NXNL2: variants seen among roughly 807,000 people sequenced by gnomAD.
NXNL2 encodes the protein nucleoredoxin-like protein 2.
NXNL2 carries 7 observed loss-of-function variants against 11.1 expected under a neutral mutation model. That is an observed-to-expected ratio of 0.63 (90% confidence interval 0.36 to 1.18). The LOEUF (loss-of-function observed/expected upper bound fraction) is 1.18, where lower values mean the gene tolerates loss of function less well. NXNL2 is among the 50% of genes most tolerant of loss of function. NXNL2 has a pLI of 0.02. For synonymous variants in NXNL2, 109 were observed against 101.8 expected (o/e 1.07, Z -0.42); for missense variants, 233 against 217.7 (o/e 1.07, Z -0.44).
At chr9:88,554,932 G>T (rs1016351748) in intron 1 of NXNL2, among the ~76,000 whole-genome samples, 16 of 152,316 alleles carry the variant, frequency 1.1e-4, no homozygotes, top group Non-Finnish European at 1.0e-4. Flanking sequence ...CTTACTCACT[G>T]TTCTTGTCCT....
chr9:88,572,072 C>T (rs1830274702), intron 2 of NXNL2, among the ~76,000 whole-genome samples: 1 of 152,202 alleles, frequency 6.6e-6, no homozygotes, highest in South Asian at 2.1e-4. Context: ...CTCCCTCCCT[C>T]AGTCCCCCAT....
chr9:88,565,684 C>T (rs769553107), intron 1 of NXNL2, among the ~76,000 whole-genome samples: 26 of 152,138 alleles, frequency 1.7e-4, no homozygotes, highest in Non-Finnish European at 2.9e-4. Flanking sequence ...ATTACAGGTG[C>T]GGGACACCAC....
intron 1 of NXNL2, among the ~76,000 whole-genome samples, chr9:88,562,415 C>T (rs1474115414): frequency 6.6e-6 from 1 of 151,922 alleles, no homozygotes; most frequent in African/African-American, 2.4e-5. Context: ...CCCTTCATTT[C>T]TGTTAACTTT....
intron 1 of NXNL2, among the ~76,000 whole-genome samples, chr9:88,535,989 G>A (rs914839197): frequency 1.3e-5 from 2 of 152,220 alleles, no homozygotes; most frequent in Non-Finnish European, 2.9e-5. Flanking sequence ...GAGCATGGAC[G>A]CGGGCGCGTT....
intron 1 of NXNL2, among the ~76,000 whole-genome samples, chr9:88,567,902 G>C (rs1434106890): frequency 1.3e-5 from 2 of 152,156 alleles, no homozygotes; most frequent in African/African-American, 4.8e-5. Context: ...GTTGAAGGAG[G>C]TACTGATGCT....
At chr9:88,562,641 A>G (rs1391937547) in intron 1 of NXNL2, among the ~76,000 whole-genome samples, 2 of 151,712 alleles carry the variant, frequency 1.3e-5, no homozygotes, top group African/African-American at 2.4e-5. Context: ...AATACCAGCT[A>G]CTTAGGAGGC....
chr9:88,571,968 C>T (rs905161700), intron 2 of NXNL2, among the ~76,000 whole-genome samples: 3 of 152,152 alleles, frequency 2.0e-5, no homozygotes, highest in African/African-American at 7.2e-5. Flanking sequence ...TTATCTCTTC[C>T]TTGAAGACTT....
At chr9:88,562,865 G>A (rs1830103891) in intron 1 of NXNL2, among the ~76,000 whole-genome samples, 1 of 151,674 alleles carries the variant, frequency 6.6e-6, no homozygotes, top group South Asian at 2.1e-4. Context: ...CAAGGCAGGT[G>A]GATCACAAGG....
intron 1 of NXNL2, chr9:88,539,845 A>T (rs1018406275): frequency 6.6e-6 from 1 of 151,496 alleles, no homozygotes; most frequent in African/African-American, 2.4e-5. Flanking sequence ...CCACCACCAC[A>T]CCCGGCTAAT....
rs1351358186 is a variant in NXNL2 at position 88,550,194 on chromosome 9, T to G, written c.302+14458T>G. Among the ~76,000 whole-genome samples the G allele has an allele frequency of 3.9e-5, 6 of 152,248 alleles. No homozygotes were observed. The East Asian group carries it at 1.2e-3, about 29-fold the overall frequency. ...AAGGACAATACCAAGAGAATGGCAC[T>G]AAACCATTCATGAGAAATCCACCCC... On this transcript the variant is annotated intron_variant, in intron 1 of 2. Coordinates refer to the NXNL2 transcript ENST00000375855.
At chr9:88,584,349 G>A (rs1412754350), downstream of NXNL2, 1 of 152,212 alleles carries the variant, frequency 6.6e-6, no homozygotes, top group Non-Finnish European at 1.5e-5. Flanking sequence ...AACAGGAAGT[G>A]TGTGCGTTCA....
At position 88,544,939 on chromosome 9, in the gene NXNL2, CTA is replaced by C. The variant is rs1829827882; in HGVS notation, c.*394_*395del. ...TTATTTTAATGGTATGCTTTCACAA[CTA>C]TCTTAATAAAGTTTGCAAGCTGTGT... On this transcript the variant is annotated 3_prime_UTR_variant, in exon 2 of 2. Coordinates refer to ENST00000375854, the MANE Select transcript of NXNL2 (RefSeq NM_001161625.2). The C allele has an allele frequency of 1.0e-6, 1 of 972,222 alleles. No homozygotes were observed. The highest frequency in any genetic ancestry group is 1.8e-5 in the African/African-American group (1 of 57,026). The allele number at this position is 972,222 out of a possible 1,614,324, so 60.2% of individuals were successfully genotyped here.
At chr9:88,578,312 C>T (rs985891730), downstream of NXNL2, among the ~76,000 whole-genome samples, 1 of 152,214 alleles carries the variant, frequency 6.6e-6, no homozygotes, top group Admixed American at 6.5e-5. Context: ...TACAAATCTT[C>T]CTTGCCTGAA....
chr9:88,580,847 A>C (rs1022111653), intron 1 of NXNL2, among the ~76,000 whole-genome samples: 1 of 151,804 alleles, frequency 6.6e-6, no homozygotes, highest in Non-Finnish European at 1.5e-5. Flanking sequence ...TTAGTCTGGA[A>C]TGGTTCCACA....
chr9:88,548,676 C>G (rs1829885654), downstream of NXNL2, among the ~76,000 whole-genome samples: 1 of 116,430 alleles, frequency 8.6e-6, no homozygotes, highest in Non-Finnish European at 1.6e-5. Flanking sequence ...GAGCAAGACT[C>G]TGTCTCAAAA....
chr9:88,557,035 C>A (rs770993401), intron 1 of NXNL2, among the ~76,000 whole-genome samples: 6 of 133,364 alleles, frequency 4.5e-5, no homozygotes, highest in African/African-American at 1.7e-4. Flanking sequence ...GAGCCAAGAT[C>A]ATGCCACTGC....
downstream of NXNL2, among the ~76,000 whole-genome samples, chr9:88,576,223 A>C (rs1830346842): frequency 6.6e-6 from 1 of 152,202 alleles, no homozygotes; most frequent in Non-Finnish European, 1.5e-5. Context: ...ACAAACAAAC[A>C]AACAAAATAT....
At chr9:88,554,590 G>A (rs1829986711) in intron 1 of NXNL2, among the ~76,000 whole-genome samples, 1 of 152,158 alleles carries the variant, frequency 6.6e-6, no homozygotes, top group African/African-American at 2.4e-5. Flanking sequence ...TCTTTATGTT[G>A]ATAATAACCA....
downstream of NXNL2, among the ~76,000 whole-genome samples, chr9:88,576,679 G>T (rs1444693640): frequency 6.6e-6 from 1 of 152,144 alleles, no homozygotes; most frequent in Non-Finnish European, 1.5e-5. Context: ...TGTCTTCTTG[G>T]CTGGGACTGC....
Sources: allele counts gnomAD v4.1 joint callset (sites outside exome capture counted in the v4.1 genomes callset), GRCh38; gene constraint gnomAD v4.1.1; transcripts MANE v1.5; gene names NCBI Gene and HGNC (gene_info 2026-07-23, HGNC 2026-07-21).